The following ODR4 variants were observed in gnomAD, a reference collection of about 807,000 sequenced individuals.
ODR4 encodes the protein odr-4 GPCR localization factor homolog.
A neutral mutation model predicts 60.2 loss-of-function variants in ODR4; 47 were observed. The observed-to-expected ratio is 0.78, with a 90% CI of 0.62 to 1.00. ODR4 has a LOEUF of 1.00. Among genes scored for constraint, ODR4 ranks in the 50% least tolerant of loss-of-function variants. The pLI is 0.00. For missense variants in ODR4, 488 were observed against 530.8 expected (o/e 0.92, Z 0.79); for synonymous variants, 178 against 175.5 (o/e 1.01, Z -0.11).
At chr1:186,408,197 A>G (rs1189667327) in intron 12 of ODR4, among the ~76,000 whole-genome samples, 1 of 152,128 alleles carries the variant, frequency 6.6e-6, no homozygotes, top group African/African-American at 2.4e-5. Context: ...TCAAAGTTAC[A>G]TTGCTCGTAA....
chr1:186,424,057 C>G (rs765951330), downstream of ODR4, among the ~76,000 whole-genome samples: 2 of 152,150 alleles, frequency 1.3e-5, no homozygotes, highest in Non-Finnish European at 2.9e-5. Flanking sequence ...ACTAACCATT[C>G]TACCTCTACA....
intron 13 of ODR4, 46 bp downstream of exon 13, chr1:186,417,700 T>G: frequency 1.0e-6 from 1 of 983,842 alleles, no homozygotes; most frequent in Non-Finnish European, 1.6e-6. Context: ...ATATTTAGAT[T>G]TGAGTTTTCT....
intron 3 of ODR4, among the ~76,000 whole-genome samples, chr1:186,383,470 G>A (rs1660118826): frequency 6.6e-6 from 1 of 152,066 alleles, no homozygotes; most frequent in African/African-American, 2.4e-5. Flanking sequence ...GGTTGGGGGT[G>A]AGGGGAGGGA....
intron 3 of ODR4, among the ~76,000 whole-genome samples, chr1:186,384,317 G>C (rs3131550): frequency 0.63 from 95,376 of 151,150 alleles, 30,178 homozygotes; most frequent in Non-Finnish European, 0.65. Flanking sequence ...ACCAGCTCTC[G>C]TAGGAACAAA....
chr1:186,430,898 G>A, the ODR4 span, among the ~76,000 whole-genome samples: 1 of 150,588 alleles, frequency 6.6e-6, no homozygotes, highest in South Asian at 2.1e-4. Flanking sequence ...AACAGGTTCA[G>A]GAAAGTCATT....
the ODR4 span, among the ~76,000 whole-genome samples, chr1:186,430,803 T>A: frequency 6.6e-6 from 1 of 151,648 alleles, no homozygotes; most frequent in Non-Finnish European, 1.5e-5. Flanking sequence ...TAACTCTCAA[T>A]AAATAGTGCT....
rs1481022477 is a variant in ODR4 at position 186,393,980 on chromosome 1, A to G, written c.745A>G (p.Ser249Gly). The G allele has an allele frequency of 1.3e-6, 2 of 1,524,360 alleles. No homozygotes were observed. Among genetic ancestry groups the G allele is most frequent in the Admixed American group, 4.1e-5 (2 of 48,452 alleles). The allele number at this position is 1,524,360 out of a possible 1,614,324, so 94.4% of individuals were successfully genotyped here. A position where few individuals can be genotyped will look rare whatever the true frequency, so the allele number is the denominator to read the frequency against. The stretch of plus-strand genomic sequence containing the variant: ...TTCTAGAGGAAATACTCAAGCAACT[A>G]GTCATTCTTTTGATGTCAGAGTGCT... Reference protein sequence around the residue: ...KSSRGNTQATSHSFDVRVLTQ... With the variant: ...KSSRGNTQATGHSFDVRVLTQ... The change falls in exon 9 of 14, where the codon AGT becomes GGT. Residue 249 changes from serine (S) to glycine (G), a missense_variant. By Grantham distance (56) the Ser-to-Gly change is moderately conservative. Transcript: ENST00000287859.
At chr1:186,410,259 G>A (rs1318565257) in intron 12 of ODR4, among the ~76,000 whole-genome samples, 2 of 152,182 alleles carry the variant, frequency 1.3e-5, no homozygotes, top group African/African-American at 4.8e-5. Context: ...AACATGTTGA[G>A]GGTTTAAAAA....
intron 12 of ODR4, among the ~76,000 whole-genome samples, chr1:186,413,866 A>G (rs185581952): frequency 1.9e-3 from 288 of 152,274 alleles, no homozygotes; most frequent in Non-Finnish European, 3.3e-3. Context: ...CTTGGAATGA[A>G]ATCTGAACAC....
chr1:186,410,806 G>A (rs1273081387), intron 12 of ODR4, among the ~76,000 whole-genome samples: 2 of 151,656 alleles, frequency 1.3e-5, no homozygotes, highest in East Asian at 1.9e-4. Context: ...ACCTGAGGTC[G>A]GGAGTTCAAG....
intron 12 of ODR4, 54 bp from the exon 13 acceptor site, chr1:186,417,490 T>C (rs1481219617): frequency 1.0e-6 from 1 of 962,940 alleles, no homozygotes; most frequent in African/African-American, 1.7e-5. Context: ...AAAGCTCAGT[T>C]TCATGTGTTA....
intron 4 of ODR4, among the ~76,000 whole-genome samples, chr1:186,387,127 A>C (rs376604114): frequency 6.6e-6 from 1 of 152,302 alleles, no homozygotes; most frequent in Admixed American, 6.5e-5. Flanking sequence ...AAAAATATAC[A>C]GCTGAGAACT....
intron 1 of ODR4, among the ~76,000 whole-genome samples, chr1:186,377,932 C>G (rs1397331015): frequency 6.6e-6 from 1 of 152,018 alleles, no homozygotes. Flanking sequence ...GTAGTCCCAG[C>G]TACTTGGGAG....
At chr1:186,386,725 C>G (rs751859371) in intron 4 of ODR4, among the ~76,000 whole-genome samples, 1 of 152,156 alleles carries the variant, frequency 6.6e-6, no homozygotes, top group Non-Finnish European at 1.5e-5. Flanking sequence ...GTCACACCTT[C>G]CATTTAGTAC....
At chr1:186,386,130 AT>A in intron 4 of ODR4, 47 bp downstream of exon 4, 2 of 1,056,664 alleles carry the variant, frequency 1.9e-6, no homozygotes, top group Non-Finnish European at 2.8e-6. Context: ...GTTATATGTT[AT>A]TTTTACTGAT....
At chr1:186,424,929 A>G (rs1661858576), downstream of ODR4, among the ~76,000 whole-genome samples, 1 of 151,282 alleles carries the variant, frequency 6.6e-6, no homozygotes, top group East Asian at 1.9e-4. Context: ...TTTTCACCAC[A>G]TTGTATTGGT....
Position 186,419,050 on chromosome 1 carries a change from A to C in ODR4, c.1339A>C (p.Ile447Leu), listed in dbSNP as rs1266129790. 3.7e-6 allele frequency: 6 copies of C among 1,610,990 alleles called. No homozygotes were observed. In the South Asian group the frequency reaches 5.5e-5, roughly 15 times the overall value. Residue 447 changes from isoleucine (I) to leucine (L), a missense_variant, in exon 14 of 14, where the codon ATC becomes CTC. Physicochemically the swap from Ile to Leu is conservative, Grantham distance 5. Transcript: ENST00000287859. ...TACAGTTGCAGTCCTTGCTGCGGGT[A>C]TCTCCTTTCATTACTTCAGTGATTA... The part of the protein sequence containing the change: ...AFTVAVLAAG[I>L]SFHYFSD
chr1:186,415,448 T>TTC (rs989493318), intron 12 of ODR4, among the ~76,000 whole-genome samples: 2 of 152,100 alleles, frequency 1.3e-5, no homozygotes, highest in Non-Finnish European at 2.9e-5. Flanking sequence ...CTCTCTTGAG[T>TTC]TCTCTCTCTC....
At chr1:186,407,937 A>G (rs564148533) in intron 12 of ODR4, among the ~76,000 whole-genome samples, 30 of 152,248 alleles carry the variant, frequency 2.0e-4, no homozygotes, top group African/African-American at 6.7e-4. Context: ...GAAAAGGTCT[A>G]TCGCTTTCAA....
Sources: gnomAD v4.1 joint callset for allele counts (sites outside exome capture counted in the v4.1 genomes callset) on GRCh38, gnomAD v4.1.1 for gene constraint, MANE v1.5 for transcripts, NCBI Gene and HGNC (gene_info 2026-07-23, HGNC 2026-07-21) for gene names.